Variants in PRKG1 observed in about 807,000 individuals in gnomAD.
The protein encoded by PRKG1 is protein kinase cGMP-dependent 1, also known as cGMP-dependent protein kinase 1.
In PRKG1, 35 loss-of-function variants were observed where a neutral mutation model predicts 88.1. That is an observed-to-expected ratio of 0.40 (90% CI 0.30 to 0.53). The LOEUF is 0.53. Ranked by LOEUF, PRKG1 falls within the 20% of genes least tolerant of loss-of-function variation. The pLI, the probability that PRKG1 is intolerant of heterozygous loss-of-function variation, is 0.59. For synonymous variants in PRKG1, 303 were observed against 292.5 expected (o/e 1.04, Z -0.37); for missense variants, 540 against 839.8 (o/e 0.64, Z 4.41).
chr10:51,280,102 GTA>G (rs1840250820), intron 2 of PRKG1, among the ~76,000 whole-genome samples: 1 of 152,190 alleles, frequency 6.6e-6, no homozygotes, highest in African/African-American at 2.4e-5. Flanking sequence ...TTGCTTGTCT[GTA>G]AAGGATTTTA....
chr10:52,198,030 C>T (rs934162096), intron 9 of PRKG1, among the ~76,000 whole-genome samples: 4 of 152,164 alleles, frequency 2.6e-5, no homozygotes, highest in African/African-American at 9.7e-5. Context: ...TTACTCATGG[C>T]AGTTCATCTT....
rs1046779435 is a variant in PRKG1 at position 50,991,842 on chromosome 10, C to CAGCA, written c.266+198_266+199insAGCA. On this transcript the variant is annotated intron_variant, in intron 1 of 17. Transcript: ENST00000401604. The surrounding 1 kb of genome is among the most constrained non-coding windows in gnomAD (Gnocchi z 4.5). ...TGCCCATCACGTGCTGTGCTTGTCT[C>CAGCA]CGCCGGGCTGGGAAAGGCGAGCTGC... Among the ~76,000 whole-genome samples, 3 of 152,152 alleles carry CAGCA rather than the reference C, an allele frequency of 2.0e-5. No homozygotes were observed. Among genetic ancestry groups the CAGCA allele is most frequent in the African/African-American group, 7.2e-5 (3 of 41,442 alleles).
intron 2 of PRKG1, among the ~76,000 whole-genome samples, chr10:51,366,193 G>A (rs1227679701): frequency 2.6e-5 from 4 of 151,778 alleles, no homozygotes; most frequent in Non-Finnish European, 5.9e-5. Context: ...AATCACTGCT[G>A]CTGAAGGAAG....
chr10:51,246,507 T>G (rs940867858), intron 2 of PRKG1, among the ~76,000 whole-genome samples: 4 of 151,322 alleles, frequency 2.6e-5, no homozygotes, highest in African/African-American at 9.8e-5. Flanking sequence ...ATAGCAGAGT[T>G]TAGTATAGAC....
chr10:51,887,977 A>G (rs183916274), intron 4 of PRKG1, among the ~76,000 whole-genome samples: 5 of 152,354 alleles, frequency 3.3e-5, no homozygotes, highest in Admixed American at 3.3e-4. Flanking sequence ...ACCTACAGTT[A>G]ATAATACAGT....
chr10:51,221,569 CA>C (rs1210155870), intron 2 of PRKG1, among the ~76,000 whole-genome samples: 1 of 147,486 alleles, frequency 6.8e-6, no homozygotes, highest in Non-Finnish European at 1.5e-5. Flanking sequence ...TGGTTTACAA[CA>C]GCAGCCACCA....
chr10:52,281,157 TG>T (rs989614294), intron 13 of PRKG1, among the ~76,000 whole-genome samples: 1 of 152,184 alleles, frequency 6.6e-6, no homozygotes, highest in African/African-American at 2.4e-5. Context: ...TGGCAAAAGA[TG>T]CTTTTATAAG....
chr10:51,498,173 A>T (rs190238881), intron 3 of PRKG1, among the ~76,000 whole-genome samples: 76 of 152,292 alleles, frequency 5.0e-4, no homozygotes, highest in Non-Finnish European at 8.5e-4. Flanking sequence ...ATGATTAAGG[A>T]TATGTGAAGT....
intron 2 of PRKG1, among the ~76,000 whole-genome samples, chr10:51,394,651 C>T (rs182282045): frequency 6.6e-6 from 1 of 152,326 alleles, no homozygotes; most frequent in Admixed American, 6.5e-5. Flanking sequence ...GAGTCACTAG[C>T]ACTTTCTACA....
At chr10:51,466,440 G>A (rs571060490) in intron 2 of PRKG1, among the ~76,000 whole-genome samples, 1 of 152,104 alleles carries the variant, frequency 6.6e-6, no homozygotes, top group East Asian at 1.9e-4. Context: ...GATTTTTATG[G>A]ATTTTTATTC....
intron 8 of PRKG1, among the ~76,000 whole-genome samples, chr10:52,158,496 G>T (rs1329995481): frequency 6.6e-6 from 1 of 151,562 alleles, no homozygotes; most frequent in Non-Finnish European, 1.5e-5. Flanking sequence ...TTTTGTGCCA[G>T]GAGTGATAAA....
At chr10:51,786,382 A>AT (rs34883919) in intron 3 of PRKG1, among the ~76,000 whole-genome samples, 7,515 of 152,126 alleles carry the variant, frequency 0.049, 269 homozygotes, top group South Asian at 0.094. Flanking sequence ...AGGAAATAGG[A>AT]TTTTTTATTT....
At chr10:51,979,656 T>C (rs1347901556) in intron 5 of PRKG1, among the ~76,000 whole-genome samples, 2 of 147,076 alleles carry the variant, frequency 1.4e-5, no homozygotes, top group Non-Finnish European at 3.0e-5. Context: ...CATTTATTAC[T>C]GCTTCAATTT....
intron 5 of PRKG1, among the ~76,000 whole-genome samples, chr10:52,019,515 C>CAAA (rs1309570567): frequency 4.6e-5 from 7 of 152,100 alleles, no homozygotes; most frequent in African/African-American, 1.7e-4. Flanking sequence ...AAGAAGAGGG[C>CAAA]ACTCCAGGGC....
intron 3 of PRKG1, among the ~76,000 whole-genome samples, chr10:51,628,639 GAAATC>G (rs1189964951): frequency 2.0e-5 from 3 of 152,146 alleles, no homozygotes; most frequent in Non-Finnish European, 4.4e-5. Flanking sequence ...AAGTGCCTCT[GAAATC>G]AAAAAGCTTT....
chr10:52,070,466 A>G lies in PRKG1; in HGVS notation c.935+7835A>G, dbSNP rs76993497. Among the ~76,000 whole-genome samples, 1,079 of 152,342 alleles carry G rather than the reference A, an allele frequency of 7.1e-3. 15 individuals are homozygous for G. The highest frequency in any genetic ancestry group is 0.025 in the African/African-American group (1,027 of 41,572). On this transcript the variant is annotated intron_variant, in intron 7 of 17. Coordinates refer to ENST00000373980, the MANE Select transcript of PRKG1 (RefSeq NM_006258.4). ...TGCTATAATTAATGTAGGTACAGAT[A>G]TATTTATCAATAAATGAAGAATAAA...
At chr10:51,752,472 G>A (rs1837751639) in intron 3 of PRKG1, among the ~76,000 whole-genome samples, 1 of 152,174 alleles carries the variant, frequency 6.6e-6, no homozygotes, top group Non-Finnish European at 1.5e-5. Context: ...TAGGGATGGA[G>A]AGGGTCATGT....
intron 4 of PRKG1, among the ~76,000 whole-genome samples, chr10:51,829,861 G>T (rs538749069): frequency 1.3e-5 from 2 of 152,246 alleles, no homozygotes; most frequent in Non-Finnish European, 2.9e-5. Context: ...CCACTGTCTT[G>T]TTCCAACAAG....
At chr10:51,502,893 C>A (rs113917171) in intron 3 of PRKG1, among the ~76,000 whole-genome samples, 1 of 152,150 alleles carries the variant, frequency 6.6e-6, no homozygotes, top group Non-Finnish European at 1.5e-5. Context: ...GCTTATAAAT[C>A]AGCTGTAAGG....
Sources: gnomAD v4.1 joint callset for allele counts (sites outside exome capture counted in the v4.1 genomes callset) on GRCh38, gnomAD v4.1.1 for gene constraint, Gnocchi (gnomAD v3.1) non-coding constraint, MANE v1.5 for transcripts, NCBI Gene and HGNC (gene_info 2026-07-23, HGNC 2026-07-21) for gene names.